Variants in TMEM163 observed in about 807,000 individuals in gnomAD.
The protein encoded by TMEM163 is transmembrane protein 163.
Under a neutral mutation model 29.3 loss-of-function variants are expected in TMEM163, and 17 were observed. The ratio of observed to expected loss-of-function variants is 0.58; its 90% CI spans 0.40 to 0.87. TMEM163 has a LOEUF of 0.87. TMEM163 is among the 40% of genes least tolerant of loss of function. TMEM163 has a pLI of 0.00. For missense variants in TMEM163, 303 were observed against 381.5 expected, an observed-to-expected ratio of 0.79 and a Z score of 1.71; for synonymous variants, 157 against 160.6, an observed-to-expected ratio of 0.98 and a Z score of 0.17.
rs954507142 is a variant in TMEM163, at chr2:134,653,817, T to A, written c.322+59383A>T. 2.5e-5 allele frequency among the ~76,000 whole-genome samples: 3 copies of A among 121,822 alleles called. 1 individual carries two copies. The highest frequency in any genetic ancestry group is 1.2e-4 in the African/African-American group (3 of 24,640). 79.9% of individuals were successfully genotyped at this position (121,822 alleles called of 152,430 possible). On this transcript the variant is annotated intron_variant, in intron 2 of 7. Coordinates refer to ENST00000281924, the MANE Select transcript of TMEM163 (RefSeq NM_030923.5). ...ATTTCGTTACGTACCCAGTAGTCATTCAGGAGCAGGTTGTTCAGTTTCCAT... is the reference window on the plus strand; with the variant it reads ...ATTTCGTTACGTACCCAGTAGTCATACAGGAGCAGGTTGTTCAGTTTCCAT...
At position 134,479,593 on chromosome 2, in the gene TMEM163, G is replaced by A. The variant is rs551285407; in HGVS notation, c.556-13368C>T. Among the ~76,000 whole-genome samples the A allele has an allele frequency of 3.9e-5, 6 of 152,282 alleles. No individual in the cohort carries two copies. The South Asian group carries it at 1.0e-3, about 26-fold the overall frequency. On this transcript the variant is annotated intron_variant, in intron 5 of 7. Transcript: ENST00000281924. Reference sequence around the variant, plus strand: ...AAATCTGACCCCCACAGATAAGGGCGAGCATCCCTTCTGTACAAACGTGAG... The same window carrying A: ...AAATCTGACCCCCACAGATAAGGGCAAGCATCCCTTCTGTACAAACGTGAG...
rs116682709 is a variant in TMEM163, at chr2:134,671,496, G to A, written c.322+41704C>T. Among the ~76,000 whole-genome samples, 989 of 152,262 alleles carry A rather than the reference G, an allele frequency of 6.5e-3. 17 individuals are homozygous for A. The highest frequency in any genetic ancestry group is 0.023 in the African/African-American group (949 of 41,538). ...CACTGACCTCCCTGGGTTCAAGCCCGAAACAAACTCCTCTGCACATGGCTG... is the reference window on the plus strand; with the variant it reads ...CACTGACCTCCCTGGGTTCAAGCCCAAAACAAACTCCTCTGCACATGGCTG... On this transcript the variant is annotated intron_variant, in intron 2 of 7. Coordinates refer to ENST00000281924, the MANE Select transcript of TMEM163 (RefSeq NM_030923.5).
intron 2 of TMEM163, among the ~76,000 whole-genome samples, chr2:134,668,198 C>A (rs1440572112): frequency 6.6e-6 from 1 of 152,178 alleles, no homozygotes; most frequent in Admixed American, 6.5e-5. Context: ...AAAGAGTTGT[C>A]CATCAGACTG....
intron 7 of TMEM163, 98 bp downstream of exon 7, chr2:134,457,934 T>C (rs1429413891): frequency 9.6e-6 from 15 of 1,569,356 alleles, no homozygotes; most frequent in African/African-American, 1.4e-5. Flanking sequence ...GTACAAAATA[T>C]GACCTTCAGA....
intron 2 of TMEM163, among the ~76,000 whole-genome samples, chr2:134,649,707 C>T (rs899184939): frequency 6.6e-6 from 1 of 152,062 alleles, no homozygotes; most frequent in African/African-American, 2.4e-5. Flanking sequence ...TAAGGTATCT[C>T]TATAGAACAT....
rs1448257229 is a variant in TMEM163 at position 134,718,928 on chromosome 2, G to A, written c.8C>T (p.Pro3Leu). The change falls in exon 1 of 8, where the codon CCG becomes CTG. Residue 3 changes from proline to leucine, a missense_variant. This residue lies in a region of TMEM163 where 100 missense variants were observed against 87.2 expected (regional missense o/e 1.15). Transcript: ENST00000281924. The stretch of plus-strand genomic sequence containing the variant: ...GCTGCGGCGCTGGATGCCCGCGGCC[G>A]GCTCCATGGCGCGGGGCTGCGGATC... ME[P>L]AAGIQRRSSQ... The A allele has an allele frequency of 1.9e-6, 2 of 1,052,120 alleles. No individual in the cohort carries two copies. The highest frequency in any genetic ancestry group is 7.8e-5 in the East Asian group (1 of 12,890). The allele number at this position is 1,052,120 out of a possible 1,614,324, so 65.2% of individuals were successfully genotyped here. A position where few individuals can be genotyped will look rare whatever the true frequency, so the allele number is the denominator to read the frequency against.
intron 2 of TMEM163, among the ~76,000 whole-genome samples, chr2:134,698,094 T>C (rs920871075): frequency 8.5e-5 from 13 of 152,194 alleles, no homozygotes; most frequent in African/African-American, 2.9e-4. Context: ...GATAATTCTT[T>C]GCTGTGAGGG....
At chr2:134,544,808 A>G (rs541914439) in intron 4 of TMEM163, among the ~76,000 whole-genome samples, 2 of 152,220 alleles carry the variant, frequency 1.3e-5, no homozygotes, top group African/African-American at 4.8e-5. Flanking sequence ...AAATAAATAA[A>G]TAAATATCCA....
chr2:134,627,458 A>G (rs941838710), intron 2 of TMEM163, among the ~76,000 whole-genome samples: 1 of 152,180 alleles, frequency 6.6e-6, no homozygotes, highest in Non-Finnish European at 1.5e-5. Flanking sequence ...GATGTAAGAG[A>G]ACACTGAATT....
intron 2 of TMEM163, among the ~76,000 whole-genome samples, chr2:134,592,792 TATAGATATAG>T (rs1313192415): frequency 6.6e-6 from 1 of 151,470 alleles, no homozygotes; most frequent in Admixed American, 6.6e-5. Flanking sequence ...CAGATATTAA[TATAGATATAG>T]ATAGATAGAC....
chr2:134,703,974 G>A (rs546599132), intron 2 of TMEM163, among the ~76,000 whole-genome samples: 1 of 150,904 alleles, frequency 6.6e-6, no homozygotes, highest in Non-Finnish European at 1.5e-5. Flanking sequence ...TACGGATTTT[G>A]TCAGCTACTT....
chr2:134,702,408 G>A (rs1684723258), intron 2 of TMEM163, among the ~76,000 whole-genome samples: 1 of 152,246 alleles, frequency 6.6e-6, no homozygotes. Flanking sequence ...CTTTTGGGAG[G>A]CTAAGGTGGG....
chr2:134,659,347 G>T (rs940964292), intron 2 of TMEM163, among the ~76,000 whole-genome samples: 1 of 152,194 alleles, frequency 6.6e-6, no homozygotes, highest in African/African-American at 2.4e-5. Context: ...GGAAAACAGG[G>T]TTTAAAGTCT....
At chr2:134,521,786 C>T (rs748816398) in intron 4 of TMEM163, among the ~76,000 whole-genome samples, 10 of 152,152 alleles carry the variant, frequency 6.6e-5, no homozygotes, top group Non-Finnish European at 1.3e-4. Context: ...ATCCCAGGAT[C>T]GGGGACATAT....
chr2:134,585,123 C>G (rs1681783530), intron 2 of TMEM163, among the ~76,000 whole-genome samples: 1 of 152,228 alleles, frequency 6.6e-6, no homozygotes, highest in Non-Finnish European at 1.5e-5. Context: ...CATCACATTT[C>G]AACCCCACCT....
chr2:134,718,884 G>A lies in TMEM163; in HGVS notation c.52C>T (p.Pro18Ser). The A allele has an allele frequency of 9.1e-7, 1 of 1,097,252 alleles. No homozygotes were observed. The highest frequency in any genetic ancestry group is 1.1e-6 in the Non-Finnish European group (1 of 903,106). The allele number at this position is 1,097,252 out of a possible 1,614,324, so 68.0% of individuals were successfully genotyped here. A position where few individuals can be genotyped will look rare whatever the true frequency, so the allele number is the denominator to read the frequency against. ...GGCGCGTGGCCCCGGGGCGGCGGCG[G>A]GACGGTGGGCCCCTGGGAGCTGCGG... Reference protein sequence around the residue: ...QRRSSQGPTVPPPPRGHAPPA... With the variant: ...QRRSSQGPTVSPPPRGHAPPA... The change falls in exon 1 of 8, where the codon CCG becomes TCG. Residue 18 changes from proline to serine, a missense_variant. Pro to Ser is a moderately conservative substitution (Grantham distance 74). This residue lies in a region of TMEM163 where 100 missense variants were observed against 87.2 expected (regional missense o/e 1.15). Transcript: ENST00000281924.
chr2:134,463,127 C>T (rs548449617), intron 6 of TMEM163, among the ~76,000 whole-genome samples: 1 of 152,296 alleles, frequency 6.6e-6, no homozygotes, highest in South Asian at 2.1e-4. Context: ...GGAGACATTG[C>T]AGGGCAGGTG....
chr2:134,478,087 T>G (rs953777378), intron 5 of TMEM163, among the ~76,000 whole-genome samples: 1 of 152,206 alleles, frequency 6.6e-6, no homozygotes, highest in Non-Finnish European at 1.5e-5. Context: ...TTGCTACTGC[T>G]CTCACCGTGT....
chr2:134,627,051 T>C (rs1158141454), intron 2 of TMEM163, among the ~76,000 whole-genome samples: 3 of 152,230 alleles, frequency 2.0e-5, no homozygotes, highest in Non-Finnish European at 2.9e-5. Context: ...TTAAAAAGCA[T>C]TGCCAATTCA....
Sources: gnomAD v4.1 joint callset for allele counts (sites outside exome capture counted in the v4.1 genomes callset) on GRCh38, gnomAD v4.1.1 for gene constraint, gnomAD v4.1.1 regional missense constraint, MANE v1.5 for transcripts, NCBI Gene and HGNC (gene_info 2026-07-23, HGNC 2026-07-21) for gene names.